LANCL3: variants seen among roughly 807,000 people sequenced by gnomAD.
LANCL3 encodes the protein lanC-like protein 3.
Under a neutral mutation model 26.5 loss-of-function variants are expected in LANCL3, and 19 were observed. That is an observed-to-expected ratio of 0.72 (90% CI 0.50 to 1.05). The LOEUF (loss-of-function observed/expected upper bound fraction) is 1.05, where lower values mean the gene tolerates loss of function less well. Ranked by LOEUF, LANCL3 falls within the 50% of genes least tolerant of loss-of-function variation. The pLI is 0.00. For missense variants in LANCL3, 318 were observed against 362.7 expected, an observed-to-expected ratio of 0.88 and a Z score of 1.00; for synonymous variants, 160 against 166.6, an observed-to-expected ratio of 0.96 and a Z score of 0.30.
intron 1 of LANCL3, among the ~76,000 whole-genome samples, chrX:37,612,045 A>G (rs1235152176): frequency 9.1e-6 from 1 of 110,455 alleles, no homozygotes; most frequent in Admixed American, 9.6e-5. Context: ...GATTCAAGCA[A>G]TTCTCCTGCC....
chrX:37,667,838 T>C (rs1926582005), intron 4 of LANCL3, among the ~76,000 whole-genome samples: 1 of 111,340 alleles, frequency 9.0e-6, no homozygotes, highest in Non-Finnish European at 1.9e-5. Flanking sequence ...AAGCTTCTAC[T>C]CATGGCAGAA....
At chrX:37,574,387 T>G (rs1374376688) in intron 1 of LANCL3, among the ~76,000 whole-genome samples, 1 of 111,639 alleles carries the variant, frequency 9.0e-6, no homozygotes, top group Non-Finnish European at 1.9e-5. Context: ...TTTCTTCCCC[T>G]CCGATGTCAT....
chrX:37,639,511 G>A (rs782089494), intron 1 of LANCL3, among the ~76,000 whole-genome samples: 2 of 109,965 alleles, frequency 1.8e-5, no homozygotes, highest in East Asian at 5.8e-4. Flanking sequence ...ATGGTCAGTA[G>A]TATTTTGTGT....
At chrX:37,618,910 C>T (rs782624252) in intron 1 of LANCL3, among the ~76,000 whole-genome samples, 3 of 111,553 alleles carry the variant, frequency 2.7e-5, no homozygotes, top group South Asian at 3.8e-4. Flanking sequence ...CATCTTCATT[C>T]AACCCCTAAC....
intron 1 of LANCL3, among the ~76,000 whole-genome samples, chrX:37,592,426 G>A (rs1385597064): frequency 8.9e-6 from 1 of 112,353 alleles, no homozygotes; most frequent in African/African-American, 3.2e-5. Flanking sequence ...TTAAAAGGCA[G>A]TGATGGTAAC....
At chrX:37,638,416 G>GT (rs1556425550) in intron 1 of LANCL3, among the ~76,000 whole-genome samples, 1 of 111,549 alleles carries the variant, frequency 9.0e-6, no homozygotes, top group Non-Finnish European at 1.9e-5. Context: ...ACTCTTTTAT[G>GT]TAATTCCTCT....
chrX:37,582,045 C>T (rs1210224957), intron 1 of LANCL3, among the ~76,000 whole-genome samples: 11 of 111,073 alleles, frequency 9.9e-5, no homozygotes, highest in African/African-American at 3.6e-4. Flanking sequence ...GGTTTTCTGT[C>T]CTTGCGATAG....
In LANCL3 at chrX:37,682,417, C is replaced by G. The variant is rs1327697302; in HGVS notation, c.*6604C>G. On this transcript the variant is annotated 3_prime_UTR_variant, in exon 5 of 5. Transcript: ENST00000378619. ...TGTACATGCTTTAATGTGTACTGTT[C>G]TAGTAATATGTATGAAGTAGCTGTG... The G allele has an allele frequency of 8.9e-6, 1 of 111,890 alleles. No homozygotes were observed. Among genetic ancestry groups the G allele is most frequent in the East Asian group, 2.8e-4 (1 of 3,590 alleles). The allele number at this position is 111,890 out of a possible 1,213,427, so 9.2% of individuals were successfully genotyped here.
intron 1 of LANCL3, among the ~76,000 whole-genome samples, chrX:37,652,179 C>T (rs1413411243): frequency 9.0e-6 from 1 of 111,150 alleles, no homozygotes; most frequent in Non-Finnish European, 1.9e-5. Context: ...TGTTTGATGC[C>T]TAGAAAAAGA....
At chrX:37,603,994 C>A (rs891469425) in intron 1 of LANCL3, among the ~76,000 whole-genome samples, 1 of 112,437 alleles carries the variant, frequency 8.9e-6, no homozygotes, top group Non-Finnish European at 1.9e-5. Flanking sequence ...GGCAGCCTGC[C>A]GACATTTCAC....
At chrX:37,611,688 C>A (rs1163936956) in intron 1 of LANCL3, among the ~76,000 whole-genome samples, 1 of 111,921 alleles carries the variant, frequency 8.9e-6, no homozygotes, top group Non-Finnish European at 1.9e-5. Context: ...AAGCAACATA[C>A]TGAGGAGCTT....
In LANCL3 at chrX:37,571,939, T is replaced by C. The variant is rs782035115; in HGVS notation, c.69T>C (p.Cys23=). 46 of 1,205,266 alleles carry C rather than the reference T, an allele frequency of 3.8e-5. No homozygotes were observed. Among genetic ancestry groups the C allele is most frequent in the South Asian group, 8.9e-5 (5 of 56,160 alleles). The change falls in exon 1 of 5, where the codon TGT becomes TGC. Residue 23 remains cysteine (C), a synonymous_variant. Coordinates refer to ENST00000378619, the MANE Select transcript of LANCL3 (RefSeq NM_001170331.2). ...DYQGSLLAGQ[C]EEAVAPLVTA... is the part of the protein sequence containing the mutation. The stretch of plus-strand genomic sequence containing the variant: ...AGGGCAGCCTGCTGGCGGGCCAGTG[T>C]GAGGAGGCGGTGGCGCCCTTGGTCA...
At chrX:37,593,191 T>A (rs59143082) in intron 1 of LANCL3, among the ~76,000 whole-genome samples, 2,075 of 111,103 alleles carry the variant, frequency 0.019, 66 homozygotes, top group African/African-American at 0.065. Flanking sequence ...GAGGCCCCAA[T>A]ACCAGTGGGG....
At chrX:37,620,343 A>G (rs1556422155) in intron 1 of LANCL3, among the ~76,000 whole-genome samples, 1 of 112,248 alleles carries the variant, frequency 8.9e-6, no homozygotes, top group African/African-American at 3.2e-5. Flanking sequence ...CAAAAGAGTA[A>G]GTAACTCTTA....
intron 1 of LANCL3, among the ~76,000 whole-genome samples, chrX:37,600,120 C>A (rs967477627): frequency 4.0e-4 from 45 of 111,889 alleles, no homozygotes; most frequent in African/African-American, 1.2e-3. Flanking sequence ...GTTTCAGGTG[C>A]CTTTGGTCAA....
At chrX:37,591,852 T>C (rs1924291712) in intron 1 of LANCL3, among the ~76,000 whole-genome samples, 1 of 109,149 alleles carries the variant, frequency 9.2e-6, no homozygotes, top group African/African-American at 3.4e-5. Context: ...AAGCAAAGCA[T>C]ATGGACATAG....
rs1333578736 is a variant in LANCL3, at chrX:37,675,757, A to G, written c.1207A>G (p.Ile403Val). 24 of 1,163,130 alleles carry G rather than the reference A, an allele frequency of 2.1e-5. No homozygotes were observed. The highest frequency in any genetic ancestry group is 1.8e-5 in the Non-Finnish European group (16 of 870,498). Residue 403 changes from isoleucine (I) to valine (V), a missense_variant, in exon 5 of 5, where the codon ATT becomes GTT. Physicochemically the swap from Ile to Val is conservative, Grantham distance 29. Transcript: ENST00000378619. Reference protein sequence around the residue: ...EGFSGTVCFLIDLLQPNQAEF... With the variant: ...EGFSGTVCFLVDLLQPNQAEF... ...CTTCTCTGGGACAGTGTGCTTTCTG[A>G]TTGACCTGCTGCAGCCCAATCAGGC...
At chrX:37,628,562 G>A (rs1185875984) in intron 1 of LANCL3, among the ~76,000 whole-genome samples, 1 of 101,255 alleles carries the variant, frequency 9.9e-6, no homozygotes. Flanking sequence ...TCGTCATTTA[G>A]CATTAGGTAT....
At chrX:37,668,865 A>G (rs948741343) in intron 4 of LANCL3, among the ~76,000 whole-genome samples, 2 of 112,301 alleles carry the variant, frequency 1.8e-5, no homozygotes, top group Non-Finnish European at 3.8e-5. Flanking sequence ...ACAAGGTCAC[A>G]CAACCTTTAA....
Sources: allele counts gnomAD v4.1 joint callset (sites outside exome capture counted in the v4.1 genomes callset), GRCh38; gene constraint gnomAD v4.1.1; transcripts MANE v1.5; gene names NCBI Gene and HGNC (gene_info 2026-07-23, HGNC 2026-07-21).